EPHA6: variants seen among roughly 807,000 people sequenced by gnomAD.
EPHA6 encodes EPH receptor A6.
Under a neutral mutation model 112.0 loss-of-function variants are expected in EPHA6, and 50 were observed. The observed-to-expected ratio is 0.45, with a 90% CI of 0.36 to 0.56. The LOEUF is 0.56. Ranked by LOEUF, EPHA6 falls within the 20% of genes least tolerant of loss-of-function variation. The pLI is 0.00. For missense variants in EPHA6, 1,280 were observed against 1,417.4 expected, an observed-to-expected ratio of 0.90 and a Z score of 1.56; for synonymous variants, 529 against 490.7, an observed-to-expected ratio of 1.08 and a Z score of -1.03.
intron 14 of EPHA6, among the ~76,000 whole-genome samples, chr3:97,697,478 T>C (rs1483552415): frequency 6.6e-6 from 1 of 152,116 alleles, no homozygotes; most frequent in Non-Finnish European, 1.5e-5. Flanking sequence ...TAGGAACAAG[T>C]GGGATGCTTC....
intron 5 of EPHA6, among the ~76,000 whole-genome samples, chr3:97,333,899 A>T (rs2082928542): frequency 6.6e-6 from 1 of 152,240 alleles, no homozygotes; most frequent in East Asian, 1.9e-4. Context: ...TGGAGAAAGC[A>T]TTCAGTCTTG....
At chr3:97,624,483 G>A (rs2107513657) in intron 13 of EPHA6, among the ~76,000 whole-genome samples, 1 of 151,444 alleles carries the variant, frequency 6.6e-6, no homozygotes, top group East Asian at 1.9e-4. Context: ...TTCATAAATG[G>A]TTAAGGGATA....
At chr3:96,878,585 T>G (rs950310842) in intron 2 of EPHA6, among the ~76,000 whole-genome samples, 2 of 152,066 alleles carry the variant, frequency 1.3e-5, no homozygotes, top group African/African-American at 4.8e-5. Context: ...ACTATTAAGT[T>G]GAATATTTGA....
intron 5 of EPHA6, among the ~76,000 whole-genome samples, chr3:97,267,108 A>C (rs1446561880): frequency 6.6e-6 from 1 of 152,118 alleles, no homozygotes; most frequent in East Asian, 1.9e-4. Flanking sequence ...TTTTTGTTAT[A>C]CTGGCTTGCT....
At chr3:97,540,407 T>C (rs1441645904) in intron 11 of EPHA6, among the ~76,000 whole-genome samples, 2 of 152,230 alleles carry the variant, frequency 1.3e-5, no homozygotes, top group African/African-American at 4.8e-5. Context: ...GGTCTAGGGA[T>C]AATTGGAATC....
At chr3:96,877,260 G>T (rs1216049002) in intron 2 of EPHA6, among the ~76,000 whole-genome samples, 3 of 152,022 alleles carry the variant, frequency 2.0e-5, no homozygotes, top group Non-Finnish European at 4.4e-5. Flanking sequence ...CAGGTAGAAA[G>T]TGTATACATT....
At chr3:97,582,622 G>A (rs551644651) in intron 11 of EPHA6, among the ~76,000 whole-genome samples, 1 of 152,202 alleles carries the variant, frequency 6.6e-6, no homozygotes, top group Admixed American at 6.5e-5. Flanking sequence ...TCATATTAGG[G>A]CCTTGTTTAG....
intron 3 of EPHA6, among the ~76,000 whole-genome samples, chr3:97,098,673 G>A (rs1352164617): frequency 6.6e-6 from 1 of 151,816 alleles, no homozygotes; most frequent in Admixed American, 6.6e-5. Flanking sequence ...AAAGAAGTCA[G>A]TAAAGTGGAA....
intron 6 of EPHA6, among the ~76,000 whole-genome samples, chr3:97,419,615 ACT>A (rs1380279259): frequency 7.0e-6 from 1 of 142,572 alleles, no homozygotes; most frequent in African/African-American, 3.1e-5. Context: ...ACAGAATGAG[ACT>A]CCCTCTCACA....
intron 3 of EPHA6, among the ~76,000 whole-genome samples, chr3:97,093,246 C>G (rs188641964): frequency 6.6e-6 from 1 of 152,132 alleles, no homozygotes; most frequent in East Asian, 1.9e-4. Flanking sequence ...CATTCTGATT[C>G]CTGATTTAAA....
intron 8 of EPHA6, among the ~76,000 whole-genome samples, chr3:97,478,061 G>A (rs1222356904): frequency 1.3e-5 from 2 of 151,934 alleles, no homozygotes; most frequent in Non-Finnish European, 2.9e-5. Context: ...TATGGAGGGA[G>A]TAATTTCTTA....
rs148661357 is a variant in EPHA6 at position 97,542,170 on chromosome 3, C to T, written c.2386+9627C>T. 5.8e-3 allele frequency among the ~76,000 whole-genome samples: 887 copies of T among 151,740 alleles called. 9 individuals carry two copies. Among genetic ancestry groups the T allele is most frequent in the African/African-American group, 0.02 (835 of 41,360 alleles). On this transcript the variant is annotated intron_variant, in intron 11 of 17. Coordinates refer to ENST00000389672, the MANE Select transcript of EPHA6 (RefSeq NM_001080448.3). ...CCTTTGTTACATACGTATACATGTG[C>T]CATGTTGGTGTGCTGCACCCATTAA...
In EPHA6 at chr3:97,153,963, C is replaced by T. The variant is rs541986731; in HGVS notation, c.1115-72301C>T. Among the ~76,000 whole-genome samples, 6 of 152,014 alleles carry T rather than the reference C, an allele frequency of 3.9e-5. No individual in the cohort carries two copies. The South Asian group carries it at 8.3e-4, about 21-fold the overall frequency. ...GGAGGATCACCTGATGTCAGGAGTT[C>T]GAAACCAGCCTGCCCAACATGGCGA... On this transcript the variant is annotated intron_variant, in intron 3 of 17. Coordinates refer to ENST00000389672, the MANE Select transcript of EPHA6 (RefSeq NM_001080448.3).
intron 2 of EPHA6, among the ~76,000 whole-genome samples, chr3:96,946,089 T>C (rs1342213255): frequency 3.3e-5 from 5 of 152,214 alleles, no homozygotes; most frequent in Admixed American, 3.3e-4. Flanking sequence ...TCATACAAAA[T>C]GTAGCCTCTT....
chr3:97,155,111 A>C (rs1178704590), intron 3 of EPHA6, among the ~76,000 whole-genome samples: 1 of 152,154 alleles, frequency 6.6e-6, no homozygotes, highest in Non-Finnish European at 1.5e-5. Flanking sequence ...TCTTTTTCTT[A>C]TCTTAAAAAT....
chr3:97,430,923 CTG>C (rs1378649530), intron 6 of EPHA6, among the ~76,000 whole-genome samples: 6 of 152,020 alleles, frequency 3.9e-5, no homozygotes, highest in East Asian at 1.9e-4. Flanking sequence ...CAGAATTTGG[CTG>C]TGTTTTAATA....
At chr3:97,734,000 C>T (rs533325329) in intron 15 of EPHA6, among the ~76,000 whole-genome samples, 1 of 152,118 alleles carries the variant, frequency 6.6e-6, no homozygotes, top group East Asian at 1.9e-4. Context: ...TTCAACCCTG[C>T]CACTTACTAG....
At chr3:97,548,847 C>T (rs371407078) in intron 11 of EPHA6, among the ~76,000 whole-genome samples, 2 of 152,238 alleles carry the variant, frequency 1.3e-5, no homozygotes, top group South Asian at 4.1e-4. Context: ...TAAACATATA[C>T]AATCATGCAC....
intron 2 of EPHA6, among the ~76,000 whole-genome samples, chr3:96,928,424 G>A (rs937316267): frequency 6.6e-6 from 1 of 152,190 alleles, no homozygotes. Context: ...GCATGTAGTT[G>A]TGTGGTTTTG....
Sources: gnomAD v4.1 joint callset for allele counts (sites outside exome capture counted in the v4.1 genomes callset) on GRCh38, gnomAD v4.1.1 for gene constraint, MANE v1.5 for transcripts, NCBI Gene and HGNC (gene_info 2026-07-23, HGNC 2026-07-21) for gene names.